Variants in FBXO47 observed in about 807,000 individuals in gnomAD.
FBXO47 encodes the protein F-box protein 47, also known as F-box only protein 47.
A neutral mutation model predicts 53.9 loss-of-function variants in FBXO47; 34 were observed. The observed-to-expected ratio is 0.63, with a 90% CI of 0.48 to 0.84. The LOEUF is 0.84. FBXO47 is among the 40% of genes least tolerant of loss of function. The pLI, the probability that FBXO47 is intolerant of heterozygous loss-of-function variation, is 0.00. For synonymous variants in FBXO47, 165 were observed against 181.6 expected (o/e 0.91, Z 0.73); for missense variants, 485 against 541.3 (o/e 0.90, Z 1.03).
At chr17:38,957,341 A>G in intron 3 of FBXO47, 88 bp from the exon 4 acceptor site, 1 of 904,478 alleles carries the variant, frequency 1.1e-6, no homozygotes, top group East Asian at 2.4e-5. Context: ...CTGAAAGTCA[A>G]GTATGGTATA....
At chr17:38,940,010 T>C (rs1184067081) in intron 9 of FBXO47, among the ~76,000 whole-genome samples, 1 of 152,006 alleles carries the variant, frequency 6.6e-6, no homozygotes, top group Non-Finnish European at 1.5e-5. Flanking sequence ...CTAACTCACA[T>C]AGCCAAATAA....
intron 1 of FBXO47, among the ~76,000 whole-genome samples, chr17:38,963,283 T>C (rs1001139772): frequency 2.0e-5 from 3 of 151,960 alleles, no homozygotes; most frequent in African/African-American, 7.3e-5. Context: ...GTTCAAGTGG[T>C]TCTTCTGCCT....
chr17:38,951,871 A>G (rs1729497716), intron 5 of FBXO47, among the ~76,000 whole-genome samples, 182 bp from the exon 6 acceptor site: 1 of 152,132 alleles, frequency 6.6e-6, no homozygotes, highest in Non-Finnish European at 1.5e-5. Flanking sequence ...TCTCTACTAA[A>G]AGTACAAAAT....
At chr17:38,945,216 T>A in intron 6 of FBXO47, 80 bp from the exon 7 acceptor site, 1 of 1,003,056 alleles carries the variant, frequency 1.0e-6, no homozygotes, top group Non-Finnish European at 1.5e-6. Context: ...AGCAACTTAT[T>A]AATCATTATG....
rs1906178782 is a variant in FBXO47, at chr17:38,967,291, C to G, written c.-89G>C. ...GGAAAGTGGGAGTTAGTCGTTTTGC[C>G]CCACCATCCTCAAATTTCTTAGTGT... On this transcript the variant is annotated 5_prime_UTR_variant, in exon 1 of 11. Coordinates refer to ENST00000378079, the MANE Select transcript of FBXO47 (RefSeq NM_001008777.3). 6.6e-6 allele frequency: 1 copy of G among 152,104 alleles called. No individual in the cohort carries two copies. The highest frequency in any genetic ancestry group is 2.4e-5 in the African/African-American group (1 of 41,420). 9.4% of individuals were successfully genotyped at this position (152,104 alleles called of 1,614,324 possible).
intron 6 of FBXO47, among the ~76,000 whole-genome samples, chr17:38,948,646 T>C (rs1555561166): frequency 6.6e-6 from 1 of 152,120 alleles, no homozygotes; most frequent in Non-Finnish European, 1.5e-5. Context: ...TCTTTTTTTT[T>C]CCTTCAACTT....
Position 38,954,900 on chromosome 17 carries a change from G to A in FBXO47, c.463C>T (p.Pro155Ser), listed in dbSNP as rs1289638077. ...CATGTTAATCCTAAACACTGCATAG[G>A]AGCTGCACAGCCATTGAATTTAAAG... ...SCFKFNGCAA[P>S]MQCLGLTCYG... is the part of the protein sequence containing the mutation. Residue 155 changes from proline (P) to serine (S), a missense_variant, in exon 5 of 11, where the codon CCT (proline) becomes TCT (serine). Pro to Ser is a moderately conservative substitution (Grantham distance 74, BLOSUM62 -1). Coordinates refer to ENST00000378079, the MANE Select transcript of FBXO47 (RefSeq NM_001008777.3). The A allele has an allele frequency of 1.2e-6, 2 of 1,610,072 alleles. No homozygotes were observed. The highest frequency in any genetic ancestry group is 1.7e-6 in the Non-Finnish European group (2 of 1,178,560).
At position 38,951,627 on chromosome 17, in the gene FBXO47, C is replaced by A. The variant is rs367822910; in HGVS notation, c.570G>T (p.Leu190=). Residue 190 remains leucine (L), a synonymous_variant, in exon 6 of 11, where the codon CTG becomes CTT. Coordinates refer to ENST00000378079, the MANE Select transcript of FBXO47 (RefSeq NM_001008777.3). The stretch of plus-strand genomic sequence containing the variant: ...TTTGTATCTTGCGGCAGAGATTAGT[C>A]AGTTCGCATAAGAAATTATAAACGC... ...CHRVYNFLCE[L]TNLCRKIQMA... is the part of the protein sequence containing the mutation. 584 of 1,613,966 alleles carry A rather than the reference C, an allele frequency of 3.6e-4. No individual in the cohort carries two copies. The highest frequency in any genetic ancestry group is 4.8e-4 in the Non-Finnish European group (562 of 1,180,006).
chr17:38,938,432 T>C lies in FBXO47; in HGVS notation c.1243+141A>G. On this transcript the variant is annotated intron_variant, in intron 10 of 10. Transcript: ENST00000378079. ...TCCGCTTCCTCTACTTATTGTTAGT[T>C]TTTATTTTTTAAAGTCAACATAGAA... The C allele has an allele frequency of 5.1e-6, 3 of 591,596 alleles. No homozygotes were observed. In the South Asian group the frequency reaches 1.1e-4, roughly 21 times the overall value. 36.6% of individuals were successfully genotyped at this position (591,596 alleles called of 1,614,324 possible).
chr17:38,950,124 T>C (rs1440676242), intron 6 of FBXO47, among the ~76,000 whole-genome samples: 1 of 151,938 alleles, frequency 6.6e-6, no homozygotes, highest in Admixed American at 6.6e-5. Flanking sequence ...TTTCCGAAAG[T>C]TTTTCATCAT....
In FBXO47 at chr17:38,942,817, G is replaced by A; in HGVS notation, c.1044C>T (p.Arg348=). 6.2e-7 allele frequency: 1 copy of A among 1,613,362 alleles called. No individual in the cohort carries two copies. Among genetic ancestry groups the A allele is most frequent in the Non-Finnish European group, 8.5e-7 (1 of 1,179,782 alleles). ...SFMASKAVNG[R]TIELARLVVF... ...CTACGAGCCTTGCCAGTTCAATGGT[G>A]CGTCCATTCACAGCTTTACTAGCCA... Residue 348 remains arginine (R), a synonymous_variant, in exon 9 of 11, where the codon CGC becomes CGT. Coordinates refer to ENST00000378079, the MANE Select transcript of FBXO47 (RefSeq NM_001008777.3).
chr17:38,965,709 T>TAAA (rs71141742), intron 1 of FBXO47, among the ~76,000 whole-genome samples: 5 of 61,606 alleles, frequency 8.1e-5, no homozygotes, highest in Admixed American at 2.1e-4. Context: ...CCTTCTCTAC[T>TAAA]AAAAAAAAAA....
At chr17:38,943,982 C>T (rs958291131) in intron 7 of FBXO47, among the ~76,000 whole-genome samples, 5 of 150,166 alleles carry the variant, frequency 3.3e-5, no homozygotes, top group Admixed American at 1.3e-4. Flanking sequence ...ACTTGAGGTA[C>T]GGAGTTCGAG....
chr17:38,953,238 G>GA (rs1281141168), intron 5 of FBXO47, among the ~76,000 whole-genome samples: 1 of 151,082 alleles, frequency 6.6e-6, no homozygotes, highest in Non-Finnish European at 1.5e-5. Context: ...AGAATCACTT[G>GA]AACCCGGGAG....
At chr17:38,945,786 A>G (rs907440529) in intron 6 of FBXO47, among the ~76,000 whole-genome samples, 2 of 151,402 alleles carry the variant, frequency 1.3e-5, no homozygotes, top group African/African-American at 4.9e-5. Flanking sequence ...TATACAAAAA[A>G]TAAGCCGGGA....
In FBXO47 at chr17:38,961,768, A is replaced by G. The variant is rs540983095; in HGVS notation, c.352+109T>C. ...GAGTAAAAACATCATAGAAACAGGC[A>G]TATTTTGGAATATATTCCATTTCCT... is the stretch of plus-strand genomic sequence containing the variant. On this transcript the variant is annotated intron_variant, in intron 3 of 10. Transcript: ENST00000378079. The G allele has an allele frequency of 3.0e-5, 27 of 895,698 alleles. No individual in the cohort carries two copies. In the South Asian group the frequency reaches 3.9e-4, roughly 13 times the overall value. 55.5% of individuals were successfully genotyped at this position (895,698 alleles called of 1,614,324 possible).
At position 38,962,060 on chromosome 17, in the gene FBXO47, AT is replaced by A; in HGVS notation, c.182-14del. 1 of 1,606,756 alleles carries A rather than the reference AT, an allele frequency of 6.2e-7. No individual in the cohort carries two copies. Among genetic ancestry groups the A allele is most frequent in the Non-Finnish European group, 8.5e-7 (1 of 1,177,144 alleles). ...CTGATATCCTTCACTACCAAAAGAA[AT>A]ATATATGTGTATGTATCAATGGCTT... On this transcript the variant is annotated splice_polypyrimidine_tract_variant and intron_variant, in intron 2 of 10. Coordinates refer to ENST00000378079, the MANE Select transcript of FBXO47 (RefSeq NM_001008777.3).
At chr17:38,942,068 G>A (rs576777115) in intron 9 of FBXO47, among the ~76,000 whole-genome samples, 3 of 152,050 alleles carry the variant, frequency 2.0e-5, no homozygotes, top group South Asian at 4.1e-4. Context: ...TCATTTCCCA[G>A]TTTCAACAAT....
chr17:38,952,815 CTT>C (rs139105548), intron 5 of FBXO47, among the ~76,000 whole-genome samples: 19,057 of 115,486 alleles, frequency 0.17, 979 homozygotes, highest in Middle Eastern at 0.31. Context: ...TTATTTATGA[CTT>C]TTTTTTTTTT....
Sources: allele counts gnomAD v4.1 joint callset (sites outside exome capture counted in the v4.1 genomes callset), GRCh38; gene constraint gnomAD v4.1.1; transcripts MANE v1.5; gene names NCBI Gene and HGNC (gene_info 2026-07-23, HGNC 2026-07-21).